The following ELF5 variants were observed in gnomAD, a reference collection of about 807,000 sequenced individuals.
ELF5 encodes the protein E74 like ETS transcription factor 5.
In ELF5, 31 loss-of-function variants were observed where a neutral mutation model predicts 38.2. The ratio of observed to expected loss-of-function variants is 0.81; its 90% CI spans 0.61 to 1.10. ELF5 has a LOEUF of 1.10. ELF5 is among the 50% of genes least tolerant of loss of function. The pLI is 0.00. For missense variants in ELF5, 300 were observed against 306.6 expected, an observed-to-expected ratio of 0.98 and a Z score of 0.16; for synonymous variants, 121 against 112.5, an observed-to-expected ratio of 1.08 and a Z score of -0.48.
intron 2 of ELF5, among the ~76,000 whole-genome samples, 180 bp from the exon 3 acceptor site, chr11:34,493,892 G>A (rs879455628): frequency 6.6e-6 from 1 of 152,148 alleles, no homozygotes; most frequent in Non-Finnish European, 1.5e-5. Flanking sequence ...AAAACCAGAG[G>A]GACTGGATCC....
At chr11:34,483,620 C>A (rs995267276) in intron 4 of ELF5, among the ~76,000 whole-genome samples, 3 of 151,932 alleles carry the variant, frequency 2.0e-5, no homozygotes, top group Non-Finnish European at 4.4e-5. Flanking sequence ...CTATATTATA[C>A]TAACTATCCT....
In ELF5 at chr11:34,479,926, A is replaced by G. The variant is rs1485288492; in HGVS notation, c.*292T>C. The G allele has an allele frequency of 1.8e-5, 6 of 335,954 alleles. No individual in the cohort carries two copies. Among genetic ancestry groups the G allele is most frequent in the African/African-American group, 4.3e-5 (2 of 46,168 alleles). 20.8% of individuals were successfully genotyped at this position (335,954 alleles called of 1,614,324 possible). A position where few individuals can be genotyped will look rare whatever the true frequency, so the allele number is the denominator to read the frequency against. On this transcript the variant is annotated 3_prime_UTR_variant, in exon 7 of 7. Coordinates refer to ENST00000257832, the MANE Select transcript of ELF5 (RefSeq NM_001422.4). ...TTTTTCTCTGATCAGCATCAATGGC[A>G]TGGGCTGTTGTCATTCCACAACTCT... is the stretch of plus-strand genomic sequence containing the variant.
chr11:34,493,398 C>T (rs1850227640), intron 3 of ELF5, 81 bp downstream of exon 3: 7 of 1,369,238 alleles, frequency 5.1e-6, no homozygotes, highest in Non-Finnish European at 5.1e-6. Context: ...GTGCAATTCA[C>T]ACGATGGGAA....
intron 4 of ELF5, among the ~76,000 whole-genome samples, chr11:34,484,534 T>G (rs889614731): frequency 6.6e-6 from 1 of 152,042 alleles, no homozygotes; most frequent in Non-Finnish European, 1.5e-5. Context: ...TATATTATAC[T>G]GTACAACTAT....
At chr11:34,490,851 A>G (rs1188911716) in intron 3 of ELF5, among the ~76,000 whole-genome samples, 5 of 152,156 alleles carry the variant, frequency 3.3e-5, no homozygotes, top group Non-Finnish European at 5.9e-5. Context: ...TTGGTCAGCC[A>G]CGCGCCTCAG....
intron 3 of ELF5, 25 bp downstream of exon 3, chr11:34,493,454 G>C (rs777598396): frequency 1.2e-6 from 2 of 1,604,196 alleles, no homozygotes. Context: ...CCCTCCCCTG[G>C]AGGTCTGGCC....
rs1426262838 is a variant in ELF5 at position 34,480,949 on chromosome 11, A to T, written c.494T>A (p.Leu165Gln). 6.2e-7 allele frequency: 1 copy of T among 1,611,454 alleles called. No homozygotes were observed. ...AAGCAGGTCTCGTACAAATTCCCATAGATGAGAACTTTGGAGGCCTTTTGA... is the reference window on the plus strand; with the variant it reads ...AAGCAGGTCTCGTACAAATTCCCATTGATGAGAACTTTGGAGGCCTTTTGA... ...HSRTSLQSSH[L>Q]WEFVRDLLLS... The change falls in exon 6 of 7, where the codon CTA (leucine) becomes CAA (glutamine). Residue 165 changes from leucine to glutamine, a missense_variant. Physicochemically the swap from Leu to Gln is moderately radical, Grantham distance 113. Coordinates refer to ENST00000257832, the MANE Select transcript of ELF5 (RefSeq NM_001422.4).
At chr11:34,500,479 G>A (rs529062644) in intron 2 of ELF5, among the ~76,000 whole-genome samples, 1 of 152,368 alleles carries the variant, frequency 6.6e-6, no homozygotes, top group East Asian at 1.9e-4. Context: ...GAAAAGTTAA[G>A]TCCAGTGCAG....
At chr11:34,498,895 C>T (rs1850382383) in intron 2 of ELF5, among the ~76,000 whole-genome samples, 1 of 152,046 alleles carries the variant, frequency 6.6e-6, no homozygotes. Context: ...AGTTCAAGAC[C>T]AGCCTGGCCA....
At chr11:34,498,516 A>G (rs543900423) in intron 2 of ELF5, among the ~76,000 whole-genome samples, 4 of 152,294 alleles carry the variant, frequency 2.6e-5, no homozygotes, top group Non-Finnish European at 5.9e-5. Context: ...TAATGCTGCC[A>G]TCTTTGGTTT....
At position 34,478,884 on chromosome 11, in the gene ELF5, T is replaced by C. The variant is rs1535720; in HGVS notation, c.*1334A>G. ...AAATAGATTATTTTACAGTAATTCA[T>C]ATTTTTTAAAACAAGTTACTTTGAA... On this transcript the variant is annotated 3_prime_UTR_variant, in exon 7 of 7. Transcript: ENST00000257832. 137,524 of 152,686 alleles carry C rather than the reference T, an allele frequency of 0.9. 62,104 individuals are homozygous for C. Among genetic ancestry groups the C allele is most frequent in the Middle Eastern group, 0.97 (286 of 294 alleles). 9.5% of individuals were successfully genotyped at this position (152,686 alleles called of 1,614,324 possible).
chr11:34,507,985 AT>A (rs1183248106), intron 1 of ELF5, among the ~76,000 whole-genome samples: 5 of 152,228 alleles, frequency 3.3e-5, no homozygotes, highest in East Asian at 1.9e-4. Context: ...ACTTAAAAAA[AT>A]CATCAACTCC....
At chr11:34,487,191 C>T (rs1310257332) in intron 4 of ELF5, among the ~76,000 whole-genome samples, 3 of 152,052 alleles carry the variant, frequency 2.0e-5, no homozygotes, top group Non-Finnish European at 4.4e-5. Context: ...GTGTCCTGGC[C>T]AGGGCATTGA....
At chr11:34,483,164 T>C (rs3781709) in intron 4 of ELF5, among the ~76,000 whole-genome samples, 43,586 of 151,698 alleles carry the variant, frequency 0.29, 6,896 homozygotes, top group East Asian at 0.49. Context: ...CTCTTCCACT[T>C]GTCCTGCACG....
chr11:34,512,315 G>A (rs762022405), intron 1 of ELF5, among the ~76,000 whole-genome samples: 38 of 152,160 alleles, frequency 2.5e-4, no homozygotes, highest in Non-Finnish European at 2.1e-4. Flanking sequence ...GGGAGTTTGC[G>A]TGTTTGTTTG....
intron 2 of ELF5, among the ~76,000 whole-genome samples, chr11:34,504,878 G>A (rs915995457): frequency 3.9e-5 from 6 of 152,190 alleles, no homozygotes; most frequent in African/African-American, 9.7e-5. Context: ...GGGTGGGGAA[G>A]GAGGCCTGGG....
Position 34,505,672 on chromosome 11 carries a change from C to A in ELF5, c.78G>T (p.Leu26=). ...CAGGGTAGTACTCTTCATTGCTGAA[C>A]AGATCAGTCCACGACATCAGGGGAT... The part of the protein sequence containing the change: ...FCDPLMSWTD[L]FSNEEYYPAF... Residue 26 remains leucine, a synonymous_variant, in exon 2 of 7, where the codon CTG becomes CTT. Coordinates refer to ENST00000257832, the MANE Select transcript of ELF5 (RefSeq NM_001422.4). 1 of 1,614,074 alleles carries A rather than the reference C, an allele frequency of 6.2e-7. No homozygotes were observed. The highest frequency in any genetic ancestry group is 8.5e-7 in the Non-Finnish European group (1 of 1,179,972).
At chr11:34,480,692 A>G in intron 6 of ELF5, 80 bp downstream of exon 6, 1 of 1,498,604 alleles carries the variant, frequency 6.7e-7, no homozygotes, top group Non-Finnish European at 9.1e-7. Flanking sequence ...AAAACCTGCA[A>G]AAACAGTGTA....
chr11:34,495,060 C>T (rs1002729182), intron 2 of ELF5, among the ~76,000 whole-genome samples: 7 of 152,182 alleles, frequency 4.6e-5, no homozygotes, highest in African/African-American at 1.7e-4. Flanking sequence ...GAAGGACTTT[C>T]CCAAGAACCC....
Sources: gnomAD v4.1 joint callset for allele counts (sites outside exome capture counted in the v4.1 genomes callset) on GRCh38, gnomAD v4.1.1 for gene constraint, MANE v1.5 for transcripts, NCBI Gene and HGNC (gene_info 2026-07-23, HGNC 2026-07-21) for gene names.